Variants in LHCGR observed in about 807,000 individuals in gnomAD.
LHCGR encodes the protein lutropin-choriogonadotropic hormone receptor.
LHCGR carries 55 observed loss-of-function variants against 60.7 expected under a neutral mutation model. The observed-to-expected ratio is 0.91, with a 90% CI of 0.73 to 1.13. The LOEUF (loss-of-function observed/expected upper bound fraction) is 1.13, where lower values mean the gene tolerates loss of function less well. Ranked by LOEUF, LHCGR falls within the 50% of genes most tolerant of loss-of-function variation. The pLI is 0.00. For synonymous variants in LHCGR, 337 were observed against 316.5 expected (o/e 1.06, Z -0.69); for missense variants, 862 against 836.0 (o/e 1.03, Z -0.38).
intron 3 of LHCGR, among the ~76,000 whole-genome samples, chr2:48,726,180 A>G (rs1402439626): frequency 2.0e-5 from 3 of 152,150 alleles, no homozygotes; most frequent in Non-Finnish European, 2.9e-5. Flanking sequence ...TCCTCTTCAT[A>G]TTGGCCGGCA....
At chr2:48,700,245 A>G (rs375795270) in intron 8 of LHCGR, among the ~76,000 whole-genome samples, 2 of 152,152 alleles carry the variant, frequency 1.3e-5, no homozygotes, top group African/African-American at 4.8e-5. Context: ...GAGTGGGTAC[A>G]TTTAAAATTA....
intron 1 of LHCGR, among the ~76,000 whole-genome samples, chr2:48,755,165 A>G (rs1290129447): frequency 2.6e-5 from 4 of 151,900 alleles, no homozygotes. Flanking sequence ...CTTCTCTGGC[A>G]GAGACCCCTG....
intron 9 of LHCGR, among the ~76,000 whole-genome samples, chr2:48,697,365 G>A (rs1328475290): frequency 1.3e-5 from 2 of 152,160 alleles, no homozygotes; most frequent in African/African-American, 4.8e-5. Context: ...CATAACATTT[G>A]CCGTGTTGGA....
chr2:48,724,326 T>C (rs1049774996), intron 4 of LHCGR, among the ~76,000 whole-genome samples: 2 of 152,172 alleles, frequency 1.3e-5, no homozygotes, highest in East Asian at 1.9e-4. Context: ...ATAGGTGAAA[T>C]TGAAGAGTAT....
chr2:48,750,552 TTC>T (rs1669913936), intron 1 of LHCGR, among the ~76,000 whole-genome samples: 1 of 152,230 alleles, frequency 6.6e-6, no homozygotes, highest in African/African-American at 2.4e-5. Context: ...CTATAGCATT[TTC>T]TCACTTCCCC....
chr2:48,688,708 C>T lies in LHCGR; in HGVS notation c.1089G>A (p.Arg363=), dbSNP rs142029255. Reference sequence around the variant, plus strand: ...GAATATTAATCAGCCAAATCAGGACCCTAAGGAAGTCATAGCCCATAATAT... The same window carrying T: ...GAATATTAATCAGCCAAATCAGGACTCTAAGGAAGTCATAGCCCATAATAT... ...CEDIMGYDFL[R]VLIWLINILA... Residue 363 remains arginine, a synonymous_variant, in exon 11 of 11, where the codon AGG becomes AGA. Transcript: ENST00000294954. This position sits in a 1 kb window ranked among gnomAD's most constrained non-coding sequence, Gnocchi z 5.2. 2.5e-6 allele frequency: 4 copies of T among 1,613,940 alleles called. No homozygotes were observed. The highest frequency in any genetic ancestry group is 2.7e-5 in the African/African-American group (2 of 74,848).
At chr2:48,727,179 T>C (rs1420160376) in intron 3 of LHCGR, among the ~76,000 whole-genome samples, 1 of 151,886 alleles carries the variant, frequency 6.6e-6, no homozygotes, top group African/African-American at 2.4e-5. Flanking sequence ...TGTAGTCCCA[T>C]CTACTTGGCA....
intron 3 of LHCGR, among the ~76,000 whole-genome samples, chr2:48,727,755 T>G (rs1212760178): frequency 2.6e-5 from 4 of 152,270 alleles, no homozygotes; most frequent in Non-Finnish European, 5.9e-5. Context: ...CTCACTTCCC[T>G]GGCTACACTG....
intron 8 of LHCGR, 78 bp from the exon 9 acceptor site, chr2:48,698,878 G>A (rs549925456): frequency 2.9e-5 from 37 of 1,267,762 alleles, no homozygotes; most frequent in South Asian, 2.8e-4. Flanking sequence ...GTCTTGCTCC[G>A]TCGCCCAGGC....
rs142180678 is a variant in LHCGR at position 48,747,020 on chromosome 2, A to G, written c.161+8491T>C. 1.0e-3 allele frequency among the ~76,000 whole-genome samples: 159 copies of G among 152,284 alleles called. 1 individual carries two copies. Among genetic ancestry groups the G allele is most frequent in the African/African-American group, 3.5e-3 (146 of 41,576 alleles). On this transcript the variant is annotated intron_variant, in intron 1 of 10. Coordinates refer to ENST00000294954, the MANE Select transcript of LHCGR (RefSeq NM_000233.4). Reference sequence around the variant, plus strand: ...TTCCCAACACTTAAAAACTTTTTTTAAAGTAACTGTGTAAAAGTTGGTTGC... The same window carrying G: ...TTCCCAACACTTAAAAACTTTTTTTGAAGTAACTGTGTAAAAGTTGGTTGC...
chr2:48,731,558 G>A (rs1193123331), intron 1 of LHCGR, among the ~76,000 whole-genome samples: 5 of 152,112 alleles, frequency 3.3e-5, no homozygotes, highest in Admixed American at 6.6e-5. Context: ...GCAAATCTTC[G>A]CTGTCCCACT....
chr2:48,711,465 C>G (rs1667985582), intron 7 of LHCGR, among the ~76,000 whole-genome samples: 1 of 152,166 alleles, frequency 6.6e-6, no homozygotes, highest in African/African-American at 2.4e-5. Flanking sequence ...TCTTGGCAAA[C>G]TGACTCATGT....
intron 1 of LHCGR, among the ~76,000 whole-genome samples, chr2:48,736,477 T>G (rs1042860362): frequency 3.3e-5 from 5 of 152,202 alleles, no homozygotes; most frequent in Admixed American, 6.5e-5. Context: ...TCTAATTACC[T>G]TAAAGAAGAT....
At chr2:48,711,228 C>T (rs1473806227) in intron 7 of LHCGR, among the ~76,000 whole-genome samples, 1 of 152,228 alleles carries the variant, frequency 6.6e-6, no homozygotes, top group Non-Finnish European at 1.5e-5. Flanking sequence ...GTTCACCCCT[C>T]ATACTCTCTC....
At chr2:48,725,209 C>A (rs1234041664) in intron 4 of LHCGR, among the ~76,000 whole-genome samples, 2 of 152,054 alleles carry the variant, frequency 1.3e-5, no homozygotes, top group African/African-American at 4.8e-5. Flanking sequence ...ACAGTGTCTA[C>A]CTTAAGGCAA....
rs1670173866 is a variant in LHCGR at position 48,755,596 on chromosome 2, G to T, written c.76C>A (p.Arg26Ser). Residue 26 changes from arginine (R) to serine (S), a missense_variant, in exon 1 of 11, where the codon CGC becomes AGC. Coordinates refer to ENST00000294954, the MANE Select transcript of LHCGR (RefSeq NM_000233.4). ...CAGGGCTCAGGGCAGAGCGCCTCGC[G>T]CAGCGCTCGTGGCAGCGGCGGCTGC... ...LLQPPLPRALREALCPEPCNC... is the reference protein window; with the variant it reads ...LLQPPLPRALSEALCPEPCNC... 2 of 1,537,852 alleles carry T rather than the reference G, an allele frequency of 1.3e-6. No homozygotes were observed. Among genetic ancestry groups the T allele is most frequent in the Non-Finnish European group, 8.7e-7 (1 of 1,145,526 alleles).
chr2:48,740,403 A>C (rs1383932320), intron 1 of LHCGR, among the ~76,000 whole-genome samples: 1 of 152,234 alleles, frequency 6.6e-6, no homozygotes, highest in African/African-American at 2.4e-5. Flanking sequence ...ACAGACAAAC[A>C]AAAAGACAGC....
At chr2:48,750,670 C>G (rs1558905590) in intron 1 of LHCGR, among the ~76,000 whole-genome samples, 1 of 152,180 alleles carries the variant, frequency 6.6e-6, no homozygotes, top group Non-Finnish European at 1.5e-5. Flanking sequence ...ATTCAGCTAT[C>G]TCAGTTTAAT....
At chr2:48,747,734 G>A (rs945582502) in intron 1 of LHCGR, among the ~76,000 whole-genome samples, 1 of 151,920 alleles carries the variant, frequency 6.6e-6, no homozygotes, top group Admixed American at 6.6e-5. Context: ...CATCTTCACA[G>A]CATACTTCTA....
Sources: gnomAD v4.1 joint callset for allele counts (sites outside exome capture counted in the v4.1 genomes callset) on GRCh38, gnomAD v4.1.1 for gene constraint, Gnocchi (gnomAD v3.1) non-coding constraint, MANE v1.5 for transcripts, NCBI Gene and HGNC (gene_info 2026-07-23, HGNC 2026-07-21) for gene names.